VOPP1: variants seen among roughly 807,000 people sequenced by gnomAD.
The protein encoded by VOPP1 is WW domain binding protein VOPP1.
A neutral mutation model predicts 23.5 loss-of-function variants in VOPP1; 8 were observed. That is an observed-to-expected ratio of 0.34 (90% CI 0.20 to 0.61). The LOEUF (loss-of-function observed/expected upper bound fraction) is 0.61. Ranked by LOEUF, VOPP1 falls within the 20% of genes least tolerant of loss-of-function variation. The pLI is 0.78. For missense variants in VOPP1, 174 were observed against 238.1 expected (o/e 0.73, Z 1.77); for synonymous variants, 83 against 97.3 (o/e 0.85, Z 0.86).
chr7:55,514,989 T>G (rs571262404), intron 2 of VOPP1, among the ~76,000 whole-genome samples: 2 of 152,156 alleles, frequency 1.3e-5, no homozygotes, highest in African/African-American at 4.8e-5. Flanking sequence ...TGTAACACAC[T>G]TGCACCTCTG....
intron 2 of VOPP1, among the ~76,000 whole-genome samples, chr7:55,513,756 C>A (rs1278146189): frequency 1.3e-5 from 2 of 152,168 alleles, no homozygotes; most frequent in Non-Finnish European, 1.5e-5. Flanking sequence ...ACCTTTGGGG[C>A]CAAATCTTTT....
At chr7:55,555,397 T>A (rs1797768374) in intron 1 of VOPP1, among the ~76,000 whole-genome samples, 1 of 152,224 alleles carries the variant, frequency 6.6e-6, no homozygotes, top group South Asian at 2.1e-4. Flanking sequence ...CTACTGCCTC[T>A]TTTCACCGCA....
intron 4 of VOPP1, among the ~76,000 whole-genome samples, chr7:55,445,230 GACACACACACACAGAC>G (rs1319379924): frequency 1.5e-5 from 2 of 133,060 alleles, no homozygotes; most frequent in African/African-American, 6.5e-5. Flanking sequence ...CACACACACA[GACACACACACACAGAC>G]ACACACACAC....
chr7:55,552,864 AG>A (rs1797668229), intron 1 of VOPP1: 4 of 1,394,312 alleles, frequency 2.9e-6, no homozygotes, highest in East Asian at 2.7e-5. Flanking sequence ...GCAACACAAC[AG>A]GATTTCCTCC....
chr7:55,516,922 ATATATATATATTTTTTTTTTTTTT>A (rs1285106961), intron 2 of VOPP1, among the ~76,000 whole-genome samples: 1 of 40,826 alleles, frequency 2.4e-5, no homozygotes, highest in African/African-American at 9.4e-5. Flanking sequence ...ATATATATAT[ATATATATATATTTTTTTTTTTTTT>A]TTTTTTTTTT....
chr7:55,507,851 CAT>C (rs1175270271), intron 2 of VOPP1, among the ~76,000 whole-genome samples: 2 of 152,198 alleles, frequency 1.3e-5, no homozygotes, highest in Admixed American at 6.5e-5. Context: ...CGAAGTCAAA[CAT>C]CTCTGGGTTC....
intron 4 of VOPP1, among the ~76,000 whole-genome samples, chr7:55,479,249 C>T (rs925740302): frequency 6.6e-6 from 1 of 151,674 alleles, no homozygotes; most frequent in African/African-American, 2.4e-5. Context: ...TGGTGTGCTG[C>T]ACCCATTAAC....
intron 1 of VOPP1, among the ~76,000 whole-genome samples, chr7:55,559,271 T>C (rs1033470183): frequency 6.6e-6 from 1 of 152,206 alleles, no homozygotes; most frequent in Non-Finnish European, 1.5e-5. Context: ...GCAGCTTCTC[T>C]GAATACATCA....
At chr7:55,474,554 C>G (rs1792091076) in intron 4 of VOPP1, among the ~76,000 whole-genome samples, 1 of 152,182 alleles carries the variant, frequency 6.6e-6, no homozygotes, top group South Asian at 2.1e-4. Context: ...AGAAAAGGCC[C>G]TAGGTTCTGC....
intron 4 of VOPP1, among the ~76,000 whole-genome samples, chr7:55,458,278 T>C (rs920409608): frequency 6.6e-6 from 1 of 152,164 alleles, no homozygotes; most frequent in African/African-American, 2.4e-5. Flanking sequence ...GTTCCATTGG[T>C]CTGTGTGTCT....
chr7:55,501,272 G>A (rs1794348044), intron 2 of VOPP1, among the ~76,000 whole-genome samples: 1 of 152,290 alleles, frequency 6.6e-6, no homozygotes, highest in African/African-American at 2.4e-5. Flanking sequence ...GCGTCGATTT[G>A]TAGTGAATGG....
intron 2 of VOPP1, among the ~76,000 whole-genome samples, chr7:55,507,486 G>A (rs976498528): frequency 6.6e-6 from 1 of 151,994 alleles, no homozygotes; most frequent in South Asian, 2.1e-4. Flanking sequence ...GATGAGTTTG[G>A]TCATATGCAA....
chr7:55,502,664 T>G (rs776012197), intron 2 of VOPP1, among the ~76,000 whole-genome samples: 4 of 152,212 alleles, frequency 2.6e-5, no homozygotes, highest in Non-Finnish European at 4.4e-5. Flanking sequence ...TACAAAGAGA[T>G]ATTCACTGCA....
rs902410226 is a variant in VOPP1, at chr7:55,544,446, A to ACC, written c.55-23317_55-23316insGG. ...TCCTGAGGGCCAAGGCAGAACGGGG[A>ACC]ACGCTGTTAGTCACAACATCATGGT... On this transcript the variant is annotated intron_variant, in intron 1 of 4. Transcript: ENST00000285279. 4.9e-4 allele frequency among the ~76,000 whole-genome samples: 74 copies of ACC among 152,228 alleles called. 1 individual carries two copies. Among genetic ancestry groups the ACC allele is most frequent in the African/African-American group, 1.6e-3 (65 of 41,460 alleles).
At chr7:55,526,580 T>G (rs1408788332) in intron 1 of VOPP1, among the ~76,000 whole-genome samples, 3 of 151,804 alleles carry the variant, frequency 2.0e-5, no homozygotes, top group Non-Finnish European at 4.4e-5. Context: ...CATGAGGGAG[T>G]GGACAGCAGG....
intron 2 of VOPP1, among the ~76,000 whole-genome samples, chr7:55,504,175 C>T (rs1340794710): frequency 1.3e-5 from 2 of 152,168 alleles, no homozygotes; most frequent in Non-Finnish European, 2.9e-5. Flanking sequence ...CCCAGTCTCT[C>T]AATTTGACAG....
At chr7:55,459,285 T>C (rs1232722384) in intron 4 of VOPP1, among the ~76,000 whole-genome samples, 1 of 152,216 alleles carries the variant, frequency 6.6e-6, no homozygotes, top group African/African-American at 2.4e-5. Context: ...TAGCATTTTG[T>C]TGATGATTTT....
intron 4 of VOPP1, among the ~76,000 whole-genome samples, chr7:55,474,708 G>A (rs1792102247): frequency 6.6e-6 from 1 of 152,264 alleles, no homozygotes; most frequent in Admixed American, 6.5e-5. Flanking sequence ...CTGGACTGGA[G>A]AGGGCGGAGG....
chr7:55,492,149 T>C (rs1793615869), intron 4 of VOPP1, 133 bp downstream of exon 4: 1 of 1,292,452 alleles, frequency 7.7e-7, no homozygotes, highest in African/African-American at 1.5e-5. Context: ...GAGCTGGTCA[T>C]CAGAACTAAA....
Sources: gnomAD v4.1 joint callset for allele counts (sites outside exome capture counted in the v4.1 genomes callset) on GRCh38, gnomAD v4.1.1 for gene constraint, MANE v1.5 for transcripts, NCBI Gene and HGNC (gene_info 2026-07-23, HGNC 2026-07-21) for gene names.